The following MCTP1 variants were observed in gnomAD, a reference collection of about 807,000 sequenced individuals.
The protein encoded by MCTP1 is multiple C2 and transmembrane domain containing 1, also known as multiple C2 and transmembrane domain-containing protein 1.
In MCTP1, 69 loss-of-function variants were observed where a neutral mutation model predicts 120.6. That is an observed-to-expected ratio of 0.57 (90% CI 0.47 to 0.70). MCTP1 has a LOEUF of 0.70. Ranked by LOEUF, MCTP1 falls within the 30% of genes least tolerant of loss-of-function variation. The pLI, the probability that MCTP1 is intolerant of heterozygous loss-of-function variation, is 0.00. For synonymous variants in MCTP1, 529 were observed against 493.1 expected (o/e 1.07, Z -0.96); for missense variants, 1,203 against 1,248.8 (o/e 0.96, Z 0.55).
At chr5:95,154,139 C>G (rs896909665) in intron 1 of MCTP1, 6 of 152,156 alleles carry the variant, frequency 3.9e-5, no homozygotes, top group African/African-American at 1.4e-4. Flanking sequence ...TGTTGTTTGG[C>G]TGTATTGATG....
intron 13 of MCTP1, among the ~76,000 whole-genome samples, chr5:94,872,037 A>G (rs1284166528): frequency 6.6e-6 from 1 of 152,098 alleles, no homozygotes; most frequent in East Asian, 1.9e-4. Context: ...TTCCAAAGAC[A>G]ACATATGTTA....
intron 1 of MCTP1, among the ~76,000 whole-genome samples, chr5:95,116,310 G>GAA (rs201896947): frequency 6.6e-6 from 1 of 151,792 alleles, no homozygotes; most frequent in Admixed American, 6.6e-5. Context: ...GTAGAAAGAT[G>GAA]ATGAACCAAT....
intron 1 of MCTP1, among the ~76,000 whole-genome samples, chr5:95,221,262 T>A (rs1386880979): frequency 6.6e-6 from 1 of 152,164 alleles, no homozygotes; most frequent in Non-Finnish European, 1.5e-5. Flanking sequence ...CAATGAAAAG[T>A]TCAGTTTGGT....
chr5:95,018,770 C>T (rs947323488), intron 1 of MCTP1, among the ~76,000 whole-genome samples: 5 of 152,024 alleles, frequency 3.3e-5, no homozygotes, highest in Non-Finnish European at 5.9e-5. Context: ...TCAAATCCCC[C>T]CACTCCATCT....
chr5:94,742,406 C>G (rs1260034669), intron 19 of MCTP1, among the ~76,000 whole-genome samples: 1 of 152,040 alleles, frequency 6.6e-6, no homozygotes, highest in African/African-American at 2.4e-5. Flanking sequence ...ATTTTTCCAT[C>G]TTGGGCTTAG....
At chr5:94,767,502 T>C (rs1014491587) in intron 19 of MCTP1, among the ~76,000 whole-genome samples, 2 of 152,122 alleles carry the variant, frequency 1.3e-5, no homozygotes, top group Non-Finnish European at 2.9e-5. Flanking sequence ...TGATCTTATA[T>C]ATAGAAAAAC....
intron 2 of MCTP1, among the ~76,000 whole-genome samples, chr5:95,004,840 A>C (rs1185048688): frequency 6.6e-6 from 1 of 152,234 alleles, no homozygotes; most frequent in Non-Finnish European, 1.5e-5. Flanking sequence ...GGGCAGAGAG[A>C]AAATATGAGG....
At chr5:94,817,601 T>C (rs1784745278) in intron 17 of MCTP1, among the ~76,000 whole-genome samples, 1 of 152,220 alleles carries the variant, frequency 6.6e-6, no homozygotes, top group Non-Finnish European at 1.5e-5. Context: ...TATTGTCTTA[T>C]TGTTTCTTTT....
At chr5:94,857,233 T>C (rs1486996441) in intron 17 of MCTP1, among the ~76,000 whole-genome samples, 1 of 151,736 alleles carries the variant, frequency 6.6e-6, no homozygotes, top group Non-Finnish European at 1.5e-5. Flanking sequence ...CACAGCTTTA[T>C]TGAGTGTGCA....
chr5:94,813,467 A>G (rs1230216388), intron 17 of MCTP1, among the ~76,000 whole-genome samples: 1 of 152,268 alleles, frequency 6.6e-6, no homozygotes, highest in Non-Finnish European at 1.5e-5. Flanking sequence ...CTCCTATCAA[A>G]GAAAAATGAA....
At chr5:95,179,988 G>GTAGC (rs1748427709) in intron 1 of MCTP1, among the ~76,000 whole-genome samples, 1 of 152,142 alleles carries the variant, frequency 6.6e-6, no homozygotes, top group Non-Finnish European at 1.5e-5. Context: ...GCAAGCAGGA[G>GTAGC]TAGCTATTCC....
At chr5:95,050,508 T>G (rs564011587) in intron 1 of MCTP1, among the ~76,000 whole-genome samples, 65 of 152,310 alleles carry the variant, frequency 4.3e-4, no homozygotes, top group African/African-American at 1.5e-3. Context: ...GTTTCACACT[T>G]GCTTGTTGGG....
chr5:94,994,369 C>T (rs1049068379), intron 2 of MCTP1, among the ~76,000 whole-genome samples: 1 of 152,112 alleles, frequency 6.6e-6, no homozygotes, highest in African/African-American at 2.4e-5. Flanking sequence ...TGAGGAATTC[C>T]ATATAGCTGT....
At chr5:94,924,305 G>T (rs1403335730) in intron 6 of MCTP1, among the ~76,000 whole-genome samples, 2 of 152,008 alleles carry the variant, frequency 1.3e-5, no homozygotes, top group African/African-American at 4.8e-5. Context: ...GTTTATTATA[G>T]AAAGTAGACT....
At chr5:94,751,444 T>A (rs1243777648) in intron 19 of MCTP1, among the ~76,000 whole-genome samples, 2 of 149,984 alleles carry the variant, frequency 1.3e-5, no homozygotes, top group Non-Finnish European at 3.0e-5. Context: ...AGAAAAAAAA[T>A]TCTAAGACTT....
intron 1 of MCTP1, among the ~76,000 whole-genome samples, chr5:95,176,859 T>TA (rs1199184737): frequency 6.6e-5 from 10 of 151,688 alleles, no homozygotes; most frequent in South Asian, 6.2e-4. Flanking sequence ...AATAAAAATA[T>TA]ATATATACCT....
intron 10 of MCTP1, among the ~76,000 whole-genome samples, chr5:94,896,487 C>A (rs1220038640): frequency 6.6e-6 from 1 of 151,958 alleles, no homozygotes; most frequent in Non-Finnish European, 1.5e-5. Flanking sequence ...AATGCTGCAG[C>A]ACTAAAACGC....
At chr5:94,856,166 T>C (rs1794696899) in intron 17 of MCTP1, among the ~76,000 whole-genome samples, 1 of 151,694 alleles carries the variant, frequency 6.6e-6, no homozygotes, top group African/African-American at 2.4e-5. Flanking sequence ...GTGCTAACAG[T>C]GGTGCATTAA....
At chr5:94,961,188 T>A (rs1303120278) in intron 2 of MCTP1, among the ~76,000 whole-genome samples, 2 of 148,932 alleles carry the variant, frequency 1.3e-5, no homozygotes, top group East Asian at 4.0e-4. Context: ...AACCAAATAG[T>A]GCATGTTCTC....
Sources: allele counts gnomAD v4.1 joint callset (sites outside exome capture counted in the v4.1 genomes callset), GRCh38; gene constraint gnomAD v4.1.1; transcripts MANE v1.5; gene names NCBI Gene and HGNC (gene_info 2026-07-23, HGNC 2026-07-21).